RORA: variants seen among roughly 807,000 people sequenced by gnomAD.
The protein encoded by RORA is nuclear receptor ROR-alpha.
RORA carries 7 observed loss-of-function variants against 69.5 expected under a neutral mutation model. The ratio of observed to expected loss-of-function variants is 0.10; its 90% CI spans 0.06 to 0.19. The LOEUF (loss-of-function observed/expected upper bound fraction) is 0.19, where lower values mean the gene tolerates loss of function less well. RORA is among the 10% of genes least tolerant of loss of function. RORA has a pLI of 1.00. For synonymous variants in RORA, 261 were observed against 240.8 expected (o/e 1.08, Z -0.78); for missense variants, 457 against 663.0 (o/e 0.69, Z 3.41).
At position 60,912,289 on chromosome 15, in the gene RORA, G is replaced by A. The variant is rs72752739; in HGVS notation, c.167-233603C>T. Among the ~76,000 whole-genome samples the A allele has an allele frequency of 3.9e-5, 6 of 152,122 alleles. No individual in the cohort carries two copies. The East Asian group carries it at 1.2e-3, about 30-fold the overall frequency. On this transcript the variant is annotated intron_variant, in intron 1 of 10. Transcript: ENST00000335670. ...AGAAAAAAATAGCCAGATGTGGGGG[G>A]GCTGCATCTGTCGTTCTAGCTACTT...
chr15:60,767,642 C>A (rs2072010743), intron 1 of RORA, among the ~76,000 whole-genome samples: 1 of 152,166 alleles, frequency 6.6e-6, no homozygotes, highest in African/African-American at 2.4e-5. Context: ...CTAGTCTAAC[C>A]ACACCACACT....
intron 1 of RORA, among the ~76,000 whole-genome samples, chr15:60,933,859 G>A (rs569005025): frequency 1.4e-4 from 22 of 152,238 alleles, no homozygotes; most frequent in African/African-American, 4.6e-4. Context: ...CCATTCTGTT[G>A]GCCATGAAAT....
chr15:61,125,376 G>A (rs2079134593), intron 1 of RORA, among the ~76,000 whole-genome samples: 1 of 152,194 alleles, frequency 6.6e-6, no homozygotes, highest in African/African-American at 2.4e-5. Context: ...GCTATCAAGA[G>A]CAGTTAATTT....
rs541623453 is a variant in RORA at position 61,125,683 on chromosome 15, T to G, written c.166+103370A>C. On this transcript the variant is annotated intron_variant, in intron 1 of 10. Transcript: ENST00000335670. ...TTGACAATGCTTCTGATTCCTCTGT[T>G]TAGCAAGAATTTTCTTGTTCTGTCC... Among the ~76,000 whole-genome samples, 3 of 152,354 alleles carry G rather than the reference T, an allele frequency of 2.0e-5. No individual in the cohort carries two copies. The East Asian group carries it at 5.8e-4, about 29-fold the overall frequency.
At chr15:61,003,945 C>T (rs559049295) in intron 1 of RORA, among the ~76,000 whole-genome samples, 2 of 152,066 alleles carry the variant, frequency 1.3e-5, no homozygotes, top group East Asian at 3.9e-4. Context: ...CTGTCTCTCT[C>T]TCACATGGTC....
chr15:60,516,173 TTATATATATATTTA>T (rs2065928089), intron 3 of RORA, among the ~76,000 whole-genome samples: 2 of 34,724 alleles, frequency 5.8e-5, no homozygotes, highest in African/African-American at 1.0e-4. Context: ...ATATATATAT[TTATATATATATTTA>T]TATATATATT....
intron 1 of RORA, among the ~76,000 whole-genome samples, chr15:60,948,014 A>T (rs987924702): frequency 2.0e-5 from 3 of 152,182 alleles, no homozygotes; most frequent in Admixed American, 6.5e-5. Context: ...ATTTCCTTGG[A>T]TGTCATGGCT....
intron 1 of RORA, among the ~76,000 whole-genome samples, chr15:60,707,052 T>G (rs2071072768): frequency 6.6e-6 from 1 of 152,208 alleles, no homozygotes; most frequent in Non-Finnish European, 1.5e-5. Context: ...GCATACAACA[T>G]GCTCTGAGGG....
At chr15:60,638,491 G>T (rs1448110792) in intron 2 of RORA, among the ~76,000 whole-genome samples, 2 of 150,286 alleles carry the variant, frequency 1.3e-5, no homozygotes, top group East Asian at 3.9e-4. Context: ...CCCAAGAAGT[G>T]CAAAGTTACA....
intron 1 of RORA, among the ~76,000 whole-genome samples, chr15:61,227,302 T>C (rs2080155291): frequency 6.7e-6 from 1 of 149,498 alleles, no homozygotes; most frequent in African/African-American, 2.4e-5. Context: ...GCATTCCAAA[T>C]CCACCGTCTC....
At chr15:61,111,408 T>C (rs2079005201) in intron 1 of RORA, among the ~76,000 whole-genome samples, 1 of 152,222 alleles carries the variant, frequency 6.6e-6, no homozygotes, top group Non-Finnish European at 1.5e-5. Context: ...TAGGGAGATT[T>C]TCTTTTCAAA....
At chr15:61,029,436 G>A (rs893666868) in intron 1 of RORA, among the ~76,000 whole-genome samples, 4 of 152,142 alleles carry the variant, frequency 2.6e-5, no homozygotes, top group Admixed American at 2.0e-4. Context: ...GGCACTGGAG[G>A]GCTTTAAGCA....
At chr15:61,217,988 C>T (rs1447550158) in intron 1 of RORA, among the ~76,000 whole-genome samples, 2 of 152,172 alleles carry the variant, frequency 1.3e-5, no homozygotes, top group Non-Finnish European at 2.9e-5. Context: ...TCCTCCCCCA[C>T]TGCTGGGCCA....
chr15:60,945,662 C>T (rs1892848545), intron 1 of RORA, among the ~76,000 whole-genome samples: 1 of 152,216 alleles, frequency 6.6e-6, no homozygotes, highest in East Asian at 1.9e-4. Context: ...GCAGACAAAA[C>T]TGTACTTTGG....
rs188733330 is a variant in RORA, at chr15:60,511,070, G to T, written c.820+156C>A. Among the ~76,000 whole-genome samples the T allele has an allele frequency of 3.4e-4, 52 of 152,298 alleles. No individual in the cohort carries two copies. Among genetic ancestry groups the T allele is most frequent in the African/African-American group, 1.2e-3 (50 of 41,564 alleles). ...GATAAACCATGGGAAACAGCAGAGGGTCAAAAGCAAGGGGGCAGGGCAGAA... is the reference window on the plus strand; with the variant it reads ...GATAAACCATGGGAAACAGCAGAGGTTCAAAAGCAAGGGGGCAGGGCAGAA... On this transcript the variant is annotated intron_variant, in intron 5 of 10. Transcript: ENST00000335670. This position sits in a 1 kb window ranked among gnomAD's most constrained non-coding sequence, Gnocchi z 6.4.
At chr15:61,228,994 C>T (rs2080175062) in intron 1 of RORA, 59 bp downstream of exon 1, 1 of 1,026,246 alleles carries the variant, frequency 9.7e-7, no homozygotes, top group Non-Finnish European at 1.2e-6. Context: ...TCCCGGCCGC[C>T]CCCCGCTCCG....
chr15:60,998,430 C>T (rs2140377681), intron 1 of RORA, among the ~76,000 whole-genome samples: 1 of 150,698 alleles, frequency 6.6e-6, no homozygotes, highest in East Asian at 2.0e-4. Context: ...CAGAGTCTGG[C>T]TCCTTTGCCC....
At chr15:60,700,995 G>A (rs2070973464) in intron 1 of RORA, among the ~76,000 whole-genome samples, 1 of 152,112 alleles carries the variant, frequency 6.6e-6, no homozygotes, top group Non-Finnish European at 1.5e-5. Context: ...CCCTGGTTTG[G>A]GTTTGCCTCC....
intron 1 of RORA, among the ~76,000 whole-genome samples, chr15:60,880,670 T>C (rs1386224636): frequency 6.6e-6 from 1 of 152,186 alleles, no homozygotes; most frequent in African/African-American, 2.4e-5. Context: ...CTTCATTTGA[T>C]TCAACCTATT....
Sources: allele counts gnomAD v4.1 joint callset (sites outside exome capture counted in the v4.1 genomes callset), GRCh38; gene constraint gnomAD v4.1.1; non-coding constraint Gnocchi (gnomAD v3.1); transcripts MANE v1.5; gene names NCBI Gene and HGNC (gene_info 2026-07-23, HGNC 2026-07-21).